Variants in TMEM45A observed in about 807,000 individuals in gnomAD.
The protein encoded by TMEM45A is DNA polymerase-transactivated protein 4.
A neutral mutation model predicts 32.0 loss-of-function variants in TMEM45A; 25 were observed. That is an observed-to-expected ratio of 0.78 (90% CI 0.57 to 1.09). TMEM45A has a LOEUF of 1.09. TMEM45A is among the 50% of genes least tolerant of loss of function. TMEM45A has a pLI of 0.00. For synonymous variants in TMEM45A, 122 were observed against 114.8 expected, an observed-to-expected ratio of 1.06 and a Z score of -0.40; for missense variants, 302 against 325.0, an observed-to-expected ratio of 0.93 and a Z score of 0.54.
At chr3:100,503,310 G>T (rs1024438057) in intron 1 of TMEM45A, among the ~76,000 whole-genome samples, 3 of 152,032 alleles carry the variant, frequency 2.0e-5, no homozygotes, top group Non-Finnish European at 4.4e-5. Flanking sequence ...TCACTATGTT[G>T]GCCAGACTGG....
At chr3:100,530,962 A>G (rs1372353339) in intron 1 of TMEM45A, among the ~76,000 whole-genome samples, 1 of 152,136 alleles carries the variant, frequency 6.6e-6, no homozygotes, top group Non-Finnish European at 1.5e-5. Flanking sequence ...TGTCCCATAA[A>G]TTAGTAATTA....
chr3:100,567,307 A>C (rs987557432), intron 4 of TMEM45A, among the ~76,000 whole-genome samples: 7 of 152,120 alleles, frequency 4.6e-5, no homozygotes, highest in African/African-American at 1.7e-4. Flanking sequence ...TCAAAAACCA[A>C]TTGACCTCAG....
At chr3:100,555,543 AT>A (rs1281517589) in intron 2 of TMEM45A, 142 bp downstream of exon 2, 1 of 797,530 alleles carries the variant, frequency 1.3e-6, no homozygotes, top group African/African-American at 1.7e-5. Context: ...CATTTTGCAA[AT>A]GATATGAAAT....
At chr3:100,538,907 A>C (rs1376739900) in intron 1 of TMEM45A, among the ~76,000 whole-genome samples, 1 of 152,088 alleles carries the variant, frequency 6.6e-6, no homozygotes, top group African/African-American at 2.4e-5. Context: ...TATATATAAG[A>C]TCTATATGAG....
chr3:100,560,117 C>T (rs1706304096), intron 4 of TMEM45A, among the ~76,000 whole-genome samples: 1 of 152,052 alleles, frequency 6.6e-6, no homozygotes, highest in African/African-American at 2.4e-5. Flanking sequence ...ATTCTATATT[C>T]CTAATGGTTT....
intron 1 of TMEM45A, among the ~76,000 whole-genome samples, chr3:100,534,980 G>A (rs1285595026): frequency 6.6e-6 from 1 of 152,150 alleles, no homozygotes; most frequent in Non-Finnish European, 1.5e-5. Flanking sequence ...CTTCCCAATA[G>A]GAACCACTGT....
chr3:100,534,725 G>A (rs1343770885), intron 1 of TMEM45A, among the ~76,000 whole-genome samples: 1 of 152,226 alleles, frequency 6.6e-6, no homozygotes, highest in Non-Finnish European at 1.5e-5. Context: ...GGTATTTGGT[G>A]CTGTAGAAAG....
chr3:100,519,528 C>G, intron 1 of TMEM45A: 1 of 1,549,610 alleles, frequency 6.5e-7, no homozygotes, highest in East Asian at 2.4e-5. Flanking sequence ...TCTCTTCTGC[C>G]ACAGTTCTAA....
At chr3:100,539,490 TGTATACGTATAC>T (rs1254590126) in intron 1 of TMEM45A, among the ~76,000 whole-genome samples, 1,084 of 72,236 alleles carry the variant, frequency 0.015, 32 homozygotes, top group African/African-American at 0.06. Flanking sequence ...TATATGTATA[TGTATACGTATAC>T]GTATACGTAT....
intron 1 of TMEM45A, among the ~76,000 whole-genome samples, chr3:100,507,342 T>C (rs1708092215): frequency 6.6e-6 from 1 of 152,238 alleles, no homozygotes; most frequent in African/African-American, 2.4e-5. Context: ...ATCTTTTGGC[T>C]GCTGGAAAAC....
rs772014132 is a variant in TMEM45A, at chr3:100,556,792, C to T, written c.223C>T (p.Pro75Ser). The T allele has an allele frequency of 2.5e-6, 4 of 1,613,744 alleles. No individual in the cohort carries two copies. In the Admixed American group the frequency reaches 5.0e-5, roughly 20 times the overall value. Residue 75 changes from proline (P) to serine (S), a missense_variant, in exon 3 of 6, where the codon CCC becomes TCC. By Grantham distance (74) the Pro-to-Ser change is moderately conservative (BLOSUM62 -1). Coordinates refer to ENST00000323523, the MANE Select transcript of TMEM45A (RefSeq NM_018004.3). ...TGGGGAGCAGTTTATTCCTGGAGGGCCCCATCTGATGTTATATGACTATAA... is the reference window on the plus strand; with the variant it reads ...TGGGGAGCAGTTTATTCCTGGAGGGTCCCATCTGATGTTATATGACTATAA... ...MAGEQFIPGG[P>S]HLMLYDYKQG...
intron 4 of TMEM45A, among the ~76,000 whole-genome samples, chr3:100,564,347 C>A (rs1486382959): frequency 6.6e-6 from 1 of 152,050 alleles, no homozygotes; most frequent in East Asian, 1.9e-4. Flanking sequence ...CTCATGTTTG[C>A]CATTTAGGAA....
intron 4 of TMEM45A, among the ~76,000 whole-genome samples, chr3:100,562,501 G>T (rs1706356538): frequency 6.6e-6 from 1 of 152,188 alleles, no homozygotes; most frequent in Non-Finnish European, 1.5e-5. Context: ...GACGGGAGGG[G>T]CTCCAAGTTT....
chr3:100,509,636 A>G (rs1402338070), intron 1 of TMEM45A, among the ~76,000 whole-genome samples: 2 of 152,244 alleles, frequency 1.3e-5, no homozygotes, highest in Admixed American at 1.3e-4. Flanking sequence ...AAATAGGAAC[A>G]GCTCCAGTCT....
At position 100,530,706 on chromosome 3, in the gene TMEM45A, C is replaced by T. The variant is rs1040542422; in HGVS notation, c.-3-24503C>T. On this transcript the variant is annotated intron_variant, in intron 1 of 5. Coordinates refer to ENST00000323523, the MANE Select transcript of TMEM45A (RefSeq NM_018004.3). ...AAATGTATATGGAATACTATTAGGACCCATATGAAATTAAACATCCTGAAT... is the reference window on the plus strand; with the variant it reads ...AAATGTATATGGAATACTATTAGGATCCATATGAAATTAAACATCCTGAAT... Among the ~76,000 whole-genome samples the T allele has an allele frequency of 2.0e-5, 3 of 152,112 alleles. No individual in the cohort carries two copies. In the South Asian group the frequency reaches 6.2e-4, roughly 32 times the overall value.
At chr3:100,568,327 G>A (rs1205913855) in intron 4 of TMEM45A, among the ~76,000 whole-genome samples, 5 of 152,150 alleles carry the variant, frequency 3.3e-5, no homozygotes, top group African/African-American at 1.2e-4. Context: ...AATTACTCTA[G>A]CTAAATCTTA....
At chr3:100,550,731 G>T (rs1559648248) in intron 1 of TMEM45A, among the ~76,000 whole-genome samples, 1 of 152,110 alleles carries the variant, frequency 6.6e-6, no homozygotes, top group East Asian at 1.9e-4. Flanking sequence ...TTAGATCTTG[G>T]GCTCTGCCCA....
intron 1 of TMEM45A, among the ~76,000 whole-genome samples, chr3:100,531,645 GT>G (rs937305594): frequency 1.3e-5 from 2 of 152,172 alleles, no homozygotes; most frequent in African/African-American, 4.8e-5. Context: ...ATTATCAAGG[GT>G]TAAGGAAGAG....
At chr3:100,496,483 T>C (rs1707930618) in intron 1 of TMEM45A, among the ~76,000 whole-genome samples, 2 of 152,234 alleles carry the variant, frequency 1.3e-5, no homozygotes, top group African/African-American at 4.8e-5. Context: ...CCTTACCCAA[T>C]AGGCTATGCT....
Sources: allele counts gnomAD v4.1 joint callset (sites outside exome capture counted in the v4.1 genomes callset), GRCh38; gene constraint gnomAD v4.1.1; transcripts MANE v1.5; gene names NCBI Gene and HGNC (gene_info 2026-07-23, HGNC 2026-07-21).